ADGRF5: variants seen among roughly 807,000 people sequenced by gnomAD.
ADGRF5 encodes the protein G-protein coupled receptor 116.
Under a neutral mutation model 132.3 loss-of-function variants are expected in ADGRF5, and 75 were observed. The observed-to-expected ratio is 0.57, with a 90% CI of 0.47 to 0.69. ADGRF5 has a LOEUF of 0.69. Among genes scored for constraint, ADGRF5 ranks in the 30% least tolerant of loss-of-function variants. The probability of loss-of-function intolerance (pLI) is 0.00; values close to 1 mark genes in which losing one functional copy is unlikely to be tolerated. For synonymous variants in ADGRF5, 629 were observed against 597.6 expected (o/e 1.05, Z -0.77); for missense variants, 1,516 against 1,630.6 (o/e 0.93, Z 1.21).
At chr6:46,947,216 A>G (rs1778330694) in intron 1 of ADGRF5, among the ~76,000 whole-genome samples, 1 of 152,212 alleles carries the variant, frequency 6.6e-6, no homozygotes, top group Non-Finnish European at 1.5e-5. Flanking sequence ...TCCAAAGGTG[A>G]AAAGCAACTA....
chr6:46,876,284 G>C (rs193036699), intron 10 of ADGRF5, among the ~76,000 whole-genome samples: 1 of 152,184 alleles, frequency 6.6e-6, no homozygotes, highest in Admixed American at 6.5e-5. Context: ...CATTCATCCC[G>C]CTCTAAGCAT....
At chr6:46,903,664 T>G (rs1775007692) in intron 2 of ADGRF5, 1 of 152,148 alleles carries the variant, frequency 6.6e-6, no homozygotes, top group South Asian at 2.1e-4. Context: ...ACCTGAAACT[T>G]CCAATTTAAC....
intron 1 of ADGRF5, among the ~76,000 whole-genome samples, chr6:46,953,342 TC>T (rs1778568303): frequency 6.6e-6 from 1 of 151,842 alleles, no homozygotes; most frequent in Non-Finnish European, 1.5e-5. Context: ...TTCACTGAGG[TC>T]GGGCACCATG....
At chr6:46,938,123 T>C (rs561317955) in intron 1 of ADGRF5, among the ~76,000 whole-genome samples, 1 of 152,296 alleles carries the variant, frequency 6.6e-6, no homozygotes, top group East Asian at 1.9e-4. Flanking sequence ...TTAATTTTAG[T>C]GTTTGGGAAA....
intron 1 of ADGRF5, among the ~76,000 whole-genome samples, chr6:46,953,630 T>C (rs1390012217): frequency 9.2e-6 from 1 of 109,092 alleles, no homozygotes; most frequent in East Asian, 2.6e-4. Flanking sequence ...AAAAAAAAAT[T>C]ATATATATAT....
chr6:46,861,613 T>C (rs559399027), intron 15 of ADGRF5, among the ~76,000 whole-genome samples: 2 of 152,236 alleles, frequency 1.3e-5, no homozygotes, highest in Non-Finnish European at 2.9e-5. Flanking sequence ...AATTTTGATA[T>C]TGCTCCAATT....
intron 3 of ADGRF5, among the ~76,000 whole-genome samples, chr6:46,898,048 T>C (rs545436436): frequency 3.9e-5 from 6 of 152,334 alleles, no homozygotes; most frequent in African/African-American, 1.4e-4. Context: ...GAAAACATCT[T>C]TTCATGTTGA....
chr6:46,921,139 A>C (rs577130498), intron 1 of ADGRF5, among the ~76,000 whole-genome samples: 1 of 152,242 alleles, frequency 6.6e-6, no homozygotes, highest in South Asian at 2.1e-4. Flanking sequence ...CCTCCTTCCT[A>C]ATGCTGACTA....
At chr6:46,863,383 G>T in intron 14 of ADGRF5, 1 of 494,314 alleles carries the variant, frequency 2.0e-6, no homozygotes. Flanking sequence ...CATCTGGGAA[G>T]CTTTTGAAAA....
chr6:46,927,310 G>A (rs1455238294), intron 1 of ADGRF5, among the ~76,000 whole-genome samples: 2 of 150,010 alleles, frequency 1.3e-5, no homozygotes, highest in African/African-American at 4.9e-5. Flanking sequence ...GGGGGTGGGT[G>A]GAGGGGGGTG....
chr6:46,895,759 G>A (rs974205912), intron 3 of ADGRF5, among the ~76,000 whole-genome samples: 7 of 151,540 alleles, frequency 4.6e-5, no homozygotes, highest in African/African-American at 1.7e-4. Context: ...AGCTGGAGTG[G>A]AGAACTTGGC....
chr6:46,913,652 T>A (rs188909286), intron 1 of ADGRF5, among the ~76,000 whole-genome samples: 1 of 152,144 alleles, frequency 6.6e-6, no homozygotes, highest in Non-Finnish European at 1.5e-5. Context: ...GGATAGAAAC[T>A]GTACTGGGAA....
intron 3 of ADGRF5, among the ~76,000 whole-genome samples, chr6:46,898,677 G>A (rs1435896879): frequency 6.6e-6 from 1 of 152,142 alleles, no homozygotes; most frequent in Non-Finnish European, 1.5e-5. Context: ...AGTTGAGTCT[G>A]GCCACTGCAC....
intron 1 of ADGRF5, among the ~76,000 whole-genome samples, chr6:46,937,057 G>A (rs1777871076): frequency 6.6e-6 from 1 of 152,120 alleles, no homozygotes. Flanking sequence ...GTTCTATGTT[G>A]ACTTAACTGT....
At chr6:46,890,698 C>T (rs1374327622) in intron 3 of ADGRF5, among the ~76,000 whole-genome samples, 3 of 151,274 alleles carry the variant, frequency 2.0e-5, no homozygotes, top group African/African-American at 4.9e-5. Context: ...GCCTGGGCGG[C>T]GAGAGACACT....
intron 1 of ADGRF5, among the ~76,000 whole-genome samples, chr6:46,914,978 C>A (rs1400849954): frequency 6.6e-6 from 1 of 151,938 alleles, no homozygotes; most frequent in Non-Finnish European, 1.5e-5. Context: ...GCCTCAGCCT[C>A]CCAAGTAGCT....
At chr6:46,880,430 T>A (rs1429797942) in intron 8 of ADGRF5, among the ~76,000 whole-genome samples, 1 of 152,218 alleles carries the variant, frequency 6.6e-6, no homozygotes, top group Non-Finnish European at 1.5e-5. Flanking sequence ...TTCTTATCAG[T>A]AACCAATATC....
intron 10 of ADGRF5, among the ~76,000 whole-genome samples, chr6:46,872,897 G>A (rs370154549): frequency 5.3e-5 from 8 of 152,148 alleles, no homozygotes; most frequent in Non-Finnish European, 7.3e-5. Flanking sequence ...TTTTTCAGCC[G>A]TGGCTGATCA....
At chr6:46,950,537 A>G (rs1778460092) in intron 1 of ADGRF5, among the ~76,000 whole-genome samples, 1 of 152,046 alleles carries the variant, frequency 6.6e-6, no homozygotes, top group African/African-American at 2.4e-5. Context: ...TTGTTTTGAG[A>G]CAGAGTCTTG....
Sources: allele counts gnomAD v4.1 joint callset (sites outside exome capture counted in the v4.1 genomes callset), GRCh38; gene constraint gnomAD v4.1.1; transcripts MANE v1.5; gene names NCBI Gene and HGNC (gene_info 2026-07-23, HGNC 2026-07-21).